PCDHA1: variants seen among roughly 807,000 people sequenced by gnomAD.
PCDHA1 encodes protocadherin alpha-1.
A neutral mutation model predicts 61.3 loss-of-function variants in PCDHA1; 42 were observed. That is an observed-to-expected ratio of 0.69 (90% CI 0.54 to 0.89). The LOEUF (loss-of-function observed/expected upper bound fraction) is 0.89, where lower values mean the gene tolerates loss of function less well. Ranked by LOEUF, PCDHA1 falls within the 40% of genes least tolerant of loss-of-function variation. The probability of loss-of-function intolerance (pLI) is 0.00; values close to 1 mark genes in which losing one functional copy is unlikely to be tolerated. For missense variants in PCDHA1, 1,256 were observed against 1,235.3 expected (o/e 1.02, Z -0.25); for synonymous variants, 610 against 553.8 (o/e 1.10, Z -1.43).
chr5:140,927,440 C>G (rs782460713), intron 1 of PCDHA1: 2 of 1,614,168 alleles, frequency 1.2e-6, no homozygotes, highest in East Asian at 4.5e-5. Flanking sequence ...AGCGAATACC[C>G]GGAGTTGGTG....
intron 1 of PCDHA1, chr5:140,823,028 C>G: frequency 6.2e-7 from 1 of 1,614,206 alleles, no homozygotes; most frequent in Non-Finnish European, 8.5e-7. Flanking sequence ...GAGAGCGTGT[C>G]GGTCTATGAG....
chr5:140,917,450 G>A (rs1220183879), intron 1 of PCDHA1, among the ~76,000 whole-genome samples: 2 of 152,010 alleles, frequency 1.3e-5, no homozygotes, highest in Non-Finnish European at 2.9e-5. Context: ...CTGCAAGAGC[G>A]TTTGGCATCT....
chr5:140,829,994 C>A, intron 1 of PCDHA1: 1 of 1,613,984 alleles, frequency 6.2e-7, no homozygotes, highest in South Asian at 1.1e-5. Context: ...CAGCACCACT[C>A]GTGTCCTGGA....
In PCDHA1 at chr5:140,846,938, C is replaced by A. The variant is rs1187863995; in HGVS notation, c.2394+58254C>A. 2.7e-5 allele frequency among the ~76,000 whole-genome samples: 4 copies of A among 149,452 alleles called. 2 individuals are homozygous for A. The highest frequency in any genetic ancestry group is 6.0e-5 in the Non-Finnish European group (4 of 66,840). On this transcript the variant is annotated intron_variant, in intron 1 of 3. Coordinates refer to ENST00000504120, the MANE Select transcript of PCDHA1 (RefSeq NM_018900.4). ...TCCTATTTGAATTTTTGAAGAAATACTTGAAGGGGCATGGTGTGTTTCAGT... is the reference window on the plus strand; with the variant it reads ...TCCTATTTGAATTTTTGAAGAAATAATTGAAGGGGCATGGTGTGTTTCAGT...
At position 140,984,181 on chromosome 5, in the gene PCDHA1, C is replaced by T. The variant is rs995252456; in HGVS notation, c.2542+1618C>T. Among the ~76,000 whole-genome samples, 5 of 152,210 alleles carry T rather than the reference C, an allele frequency of 3.3e-5. No individual in the cohort carries two copies. In the East Asian group the frequency reaches 9.6e-4, roughly 29 times the overall value. Reference sequence around the variant, plus strand: ...ACTTCCCAAAGAAGCCACGTGAAATCATGACTTTCTACCTTGCCTTTATTT... The same window carrying T: ...ACTTCCCAAAGAAGCCACGTGAAATTATGACTTTCTACCTTGCCTTTATTT... On this transcript the variant is annotated intron_variant, in intron 3 of 3. Coordinates refer to ENST00000504120, the MANE Select transcript of PCDHA1 (RefSeq NM_018900.4).
intron 3 of PCDHA1, among the ~76,000 whole-genome samples, chr5:140,993,515 G>T (rs1351377291): frequency 6.7e-6 from 1 of 149,364 alleles, no homozygotes; most frequent in East Asian, 1.9e-4. Context: ...CACACGGGGA[G>T]AGAGAGACAG....
At chr5:140,871,151 C>A in intron 1 of PCDHA1, 1 of 1,613,328 alleles carries the variant, frequency 6.2e-7, no homozygotes, top group Non-Finnish European at 8.5e-7. Flanking sequence ...CGGACTTTGG[C>A]GGGCGCCGCG....
chr5:140,989,019 T>C (rs1429425323), intron 3 of PCDHA1: 1 of 152,238 alleles, frequency 6.6e-6, no homozygotes, highest in East Asian at 1.9e-4. Context: ...TATAGTTTCT[T>C]CAGTTATCAT....
chr5:140,843,647 C>T lies in PCDHA1; in HGVS notation c.2394+54963C>T, dbSNP rs2150364514. 10 of 1,595,364 alleles carry T rather than the reference C, an allele frequency of 6.3e-6. No individual in the cohort carries two copies. The African/African-American group carries it at 1.3e-4, about 21-fold the overall frequency. On this transcript the variant is annotated intron_variant, in intron 1 of 3. Coordinates refer to ENST00000504120, the MANE Select transcript of PCDHA1 (RefSeq NM_018900.4). Reference sequence around the variant, plus strand: ...GGACCTCATGGCCTTCAGCCCCTGCCTTCCTCCTGATCTGGGATCAGTTGA... The same window carrying T: ...GGACCTCATGGCCTTCAGCCCCTGCTTTCCTCCTGATCTGGGATCAGTTGA...
At chr5:140,823,741 C>T (rs2150128632) in intron 1 of PCDHA1, 61 of 1,613,720 alleles carry the variant, frequency 3.8e-5, no homozygotes, top group Middle Eastern at 1.6e-4. Flanking sequence ...CCATGGAGAG[C>T]CCCCGCTGAC....
intron 3 of PCDHA1, among the ~76,000 whole-genome samples, chr5:140,984,768 G>A (rs569046665): frequency 7.2e-5 from 11 of 152,172 alleles, no homozygotes; most frequent in African/African-American, 2.4e-4. Flanking sequence ...CTAATCCCAA[G>A]CTTACTTGCT....
rs527281567 is a variant in PCDHA1 at position 140,992,060 on chromosome 5, A to T, written c.2542+9497A>T. Among the ~76,000 whole-genome samples the T allele has an allele frequency of 3.3e-3, 484 of 147,642 alleles. 5 individuals are homozygous for T. Among genetic ancestry groups the T allele is most frequent in the South Asian group, 0.015 (69 of 4,700 alleles). On this transcript the variant is annotated intron_variant, in intron 3 of 3. Transcript: ENST00000504120. The stretch of plus-strand genomic sequence containing the variant: ...GTGTGTGTGTGTGTGTGTGTAAGTT[A>T]ATTTCAGTAGAGAATGAGCTAGAGT...
At chr5:140,857,914 C>A (rs781836779) in intron 1 of PCDHA1, 4 of 1,597,754 alleles carry the variant, frequency 2.5e-6, no homozygotes, top group South Asian at 2.2e-5. Flanking sequence ...TCCCGTTTCG[C>A]GTGGGGCTGT....
intron 1 of PCDHA1, chr5:140,801,170 G>A (rs1424999491): frequency 1.9e-6 from 3 of 1,563,238 alleles, no homozygotes; most frequent in African/African-American, 2.7e-5. Context: ...CAATGTAAAG[G>A]CAATCTAATA....
chr5:140,841,461 G>A, intron 1 of PCDHA1: 2 of 1,612,908 alleles, frequency 1.2e-6, no homozygotes, highest in Non-Finnish European at 1.7e-6. Flanking sequence ...TTCGTGGGCC[G>A]GATCGCGCAG....
At chr5:140,886,596 G>C (rs1359025262) in intron 1 of PCDHA1, among the ~76,000 whole-genome samples, 1 of 152,008 alleles carries the variant, frequency 6.6e-6, no homozygotes, top group East Asian at 1.9e-4. Context: ...GGGAGGCCAA[G>C]GTGGGCGGAT....
chr5:140,835,849 T>A (rs2150246527), intron 1 of PCDHA1: 15 of 1,612,302 alleles, frequency 9.3e-6, no homozygotes, highest in Non-Finnish European at 1.3e-5. Flanking sequence ...AAGAACGCGC[T>A]GGTGTCCTAC....
In PCDHA1 at chr5:140,808,910, G is replaced by A. The variant is rs782513861; in HGVS notation, c.2394+20226G>A. ...AGCGCCTCGGGCGGGTGGCACTGGT[G>A]GCGCAGTGAGCGAGCTGGTGCCATG... is the stretch of plus-strand genomic sequence containing the variant. On this transcript the variant is annotated intron_variant, in intron 1 of 3. Transcript: ENST00000504120. The A allele has an allele frequency of 4.3e-6, 7 of 1,613,580 alleles. No individual in the cohort carries two copies. In the East Asian group the frequency reaches 1.6e-4, roughly 36 times the overall value.
chr5:140,973,493 C>T (rs1050229284), intron 1 of PCDHA1, among the ~76,000 whole-genome samples: 1 of 152,116 alleles, frequency 6.6e-6, no homozygotes, highest in African/African-American at 2.4e-5. Context: ...TCACAGGACT[C>T]TTCTTCTGAG....
Sources: gnomAD v4.1 joint callset for allele counts (sites outside exome capture counted in the v4.1 genomes callset) on GRCh38, gnomAD v4.1.1 for gene constraint, MANE v1.5 for transcripts, NCBI Gene and HGNC (gene_info 2026-07-23, HGNC 2026-07-21) for gene names.